Variants in SORCS1 observed in about 807,000 individuals in gnomAD.
SORCS1 encodes the protein sortilin related VPS10 domain containing receptor 1.
A neutral mutation model predicts 146.1 loss-of-function variants in SORCS1; 60 were observed. The observed-to-expected ratio is 0.41, with a 90% CI of 0.33 to 0.51. SORCS1 has a LOEUF of 0.51. Ranked by LOEUF, SORCS1 falls within the 20% of genes least tolerant of loss-of-function variation. The pLI is 0.21. For synonymous variants in SORCS1, 637 were observed against 584.0 expected, an observed-to-expected ratio of 1.09 and a Z score of -1.31; for missense variants, 1,352 against 1,487.6, an observed-to-expected ratio of 0.91 and a Z score of 1.50.
Position 107,164,406 on chromosome 10 carries a change from G to C in SORCS1, c.121C>G (p.Pro41Ala). ...VCGGGSCCPS[P>A]HPSSAPRSAS... ...GAGCGTGGAGCGGAGCTGGGGTGCGGCGAGGGGCAGCAGGAGCCGCCGCCG... is the reference window on the plus strand; with the variant it reads ...GAGCGTGGAGCGGAGCTGGGGTGCGCCGAGGGGCAGCAGGAGCCGCCGCCG... The change falls in exon 1 of 26, where the codon CCG becomes GCG. Residue 41 changes from proline (P) to alanine (A), a missense_variant. This residue lies in a region of SORCS1 where 490 missense variants were observed against 489.1 expected (regional missense o/e 1.00). Coordinates refer to ENST00000263054, the MANE Select transcript of SORCS1 (RefSeq NM_052918.5). The surrounding 1 kb of genome is among the most constrained non-coding windows in gnomAD (Gnocchi z 6.8). 7.0e-7 allele frequency: 1 copy of C among 1,424,234 alleles called. No individual in the cohort carries two copies. Among genetic ancestry groups the C allele is most frequent in the South Asian group, 1.5e-5 (1 of 65,306 alleles). 88.2% of individuals were successfully genotyped at this position (1,424,234 alleles called of 1,614,324 possible).
At position 106,724,412 on chromosome 10, in the gene SORCS1, C is replaced by T. The variant is rs202247638; in HGVS notation, c.1024+5638G>A. On this transcript the variant is annotated intron_variant, in intron 6 of 25. Transcript: ENST00000263054. ...ATCCCAGCTACTCAGGAGGCTGAGG[C>T]GAATCACTTGAACCCAGGAGGTGGA... Among the ~76,000 whole-genome samples, 6 of 151,300 alleles carry T rather than the reference C, an allele frequency of 4.0e-5. No homozygotes were observed. The South Asian group carries it at 6.2e-4, about 16-fold the overall frequency.
intron 1 of SORCS1, among the ~76,000 whole-genome samples, chr10:107,015,649 T>C (rs922920838): frequency 9.9e-5 from 15 of 152,204 alleles, no homozygotes; most frequent in Non-Finnish European, 1.5e-4. Context: ...ATGCAACACA[T>C]GGCCTCCTGG....
At position 106,976,333 on chromosome 10, in the gene SORCS1, G is replaced by GTTTTTTTTTGTTTTTTTTTTT. The variant is rs1554901319; in HGVS notation, c.559-19754_559-19753insAAAAAAAAAAACAAAAAAAAA. ...ATCAACTCATCATCTAGGTTTTTTTGTTTTTTTTTTTTTTTTGAGACGGAG... is the reference window on the plus strand; with the variant it reads ...ATCAACTCATCATCTAGGTTTTTTTGTTTTTTTTTGTTTTTTTTTTTTTTTTTTTTTTTTTTTGAGACGGAG... On this transcript the variant is annotated intron_variant, in intron 1 of 25. Transcript: ENST00000263054. 3.3e-4 allele frequency among the ~76,000 whole-genome samples: 37 copies of GTTTTTTTTTGTTTTTTTTTTT among 113,762 alleles called. 2 individuals carry two copies. The highest frequency in any genetic ancestry group is 9.4e-4 in the African/African-American group (24 of 25,494). The allele number at this position is 113,762 out of a possible 152,430, so 74.6% of individuals were successfully genotyped here.
intron 2 of SORCS1, among the ~76,000 whole-genome samples, chr10:106,907,091 G>C (rs1951941232): frequency 6.6e-6 from 1 of 152,170 alleles, no homozygotes; most frequent in Non-Finnish European, 1.5e-5. Flanking sequence ...CTTGCCAGTA[G>C]ATGCATATTT....
intron 3 of SORCS1, among the ~76,000 whole-genome samples, chr10:106,805,628 T>G (rs886839702): frequency 6.6e-6 from 1 of 152,184 alleles, no homozygotes; most frequent in Non-Finnish European, 1.5e-5. Context: ...TTGACTCACT[T>G]GCCATCTATA....
At chr10:107,039,745 G>C (rs1959077824) in intron 1 of SORCS1, among the ~76,000 whole-genome samples, 1 of 152,188 alleles carries the variant, frequency 6.6e-6, no homozygotes, top group African/African-American at 2.4e-5. Context: ...AATAGAACTA[G>C]ACATCTGACC....
intron 3 of SORCS1, among the ~76,000 whole-genome samples, chr10:106,819,943 G>A (rs892112663): frequency 1.3e-5 from 2 of 152,038 alleles, no homozygotes; most frequent in African/African-American, 4.8e-5. Context: ...TGTGCTCTTT[G>A]TATTAGCATT....
intron 12 of SORCS1, among the ~76,000 whole-genome samples, chr10:106,677,884 C>T (rs1394867242): frequency 1.3e-5 from 2 of 152,176 alleles, no homozygotes; most frequent in Non-Finnish European, 2.9e-5. Flanking sequence ...CATTACAGTG[C>T]CCTTTCCAGA....
intron 1 of SORCS1, among the ~76,000 whole-genome samples, chr10:107,105,590 T>C (rs1248377788): frequency 3.3e-5 from 5 of 152,228 alleles, no homozygotes; most frequent in Admixed American, 1.3e-4. Context: ...ACTTTGAGTC[T>C]GATGTTCGAG....
chr10:106,579,484 G>A lies in SORCS1; in HGVS notation c.3266-10C>T, dbSNP rs1253488511. The A allele has an allele frequency of 6.2e-7, 1 of 1,613,216 alleles. No homozygotes were observed. The highest frequency in any genetic ancestry group is 1.3e-5 in the African/African-American group (1 of 74,848). ...AGGTCCACCAGGGGGGCTTGTGGGG[G>A]AAACAGAGCAGAGAAAAATGAGCAG... is the stretch of plus-strand genomic sequence containing the variant. On this transcript the variant is annotated splice_polypyrimidine_tract_variant and intron_variant, in intron 24 of 25. Transcript: ENST00000263054.
intron 23 of SORCS1, among the ~76,000 whole-genome samples, chr10:106,606,763 G>A (rs1846622915): frequency 6.6e-6 from 1 of 152,124 alleles, no homozygotes; most frequent in Non-Finnish European, 1.5e-5. Context: ...GAATCATGGG[G>A]GCAGTTACCT....
intron 1 of SORCS1, among the ~76,000 whole-genome samples, chr10:107,157,022 G>A (rs1035449641): frequency 1.3e-5 from 2 of 152,200 alleles, no homozygotes; most frequent in African/African-American, 4.8e-5. Flanking sequence ...GAGGCTCCTT[G>A]TTTTGAAGCC....
At chr10:106,676,109 C>T (rs1385391896) in intron 13 of SORCS1, among the ~76,000 whole-genome samples, 1 of 152,112 alleles carries the variant, frequency 6.6e-6, no homozygotes, top group African/African-American at 2.4e-5. Flanking sequence ...AATGCCCTTG[C>T]CCAAGCTTAG....
intron 5 of SORCS1, among the ~76,000 whole-genome samples, chr10:106,741,209 T>C (rs1320439572): frequency 6.6e-6 from 1 of 152,208 alleles, no homozygotes; most frequent in Non-Finnish European, 1.5e-5. Context: ...CCTTAACTCA[T>C]GTCAATAATT....
chr10:107,007,739 G>A (rs1957516145), intron 1 of SORCS1, among the ~76,000 whole-genome samples: 1 of 152,222 alleles, frequency 6.6e-6, no homozygotes, highest in East Asian at 1.9e-4. Context: ...CTTCACACAT[G>A]AGCCTTCTAG....
At chr10:106,838,444 C>A (rs1948879070) in intron 2 of SORCS1, among the ~76,000 whole-genome samples, 1 of 152,112 alleles carries the variant, frequency 6.6e-6, no homozygotes. Flanking sequence ...ATAATGATTA[C>A]CCAAAGTCCA....
At position 106,671,293 on chromosome 10, in the gene SORCS1, T is replaced by G; in HGVS notation, c.2133A>C (p.Lys711Asn). The change falls in exon 16 of 26, where the codon AAA becomes AAC. Residue 711 changes from lysine (K) to asparagine (N), a missense_variant. Transcript: ENST00000263054. ...RKSERKCMQG[K>N]YAGAMESEPC... The stretch of plus-strand genomic sequence containing the variant: ...GTTCAGATTCCATAGCTCCTGCATA[T>G]TTTCCTTGCATACACTTCCGCTCTG... The G allele has an allele frequency of 6.2e-7, 1 of 1,614,170 alleles. No individual in the cohort carries two copies. The highest frequency in any genetic ancestry group is 8.5e-7 in the Non-Finnish European group (1 of 1,180,008).
In SORCS1 at chr10:106,576,017, C is replaced by A. The variant is rs1258473369; in HGVS notation, c.*1403G>T. ...AGATTTTCGTTAAGGTGTGAGAACACCACAATTCATCTCTATGCTTTCTTT... is the reference window on the plus strand; with the variant it reads ...AGATTTTCGTTAAGGTGTGAGAACAACACAATTCATCTCTATGCTTTCTTT... On this transcript the variant is annotated 3_prime_UTR_variant, in exon 26 of 26. Coordinates refer to ENST00000263054, the MANE Select transcript of SORCS1 (RefSeq NM_052918.5). 6.6e-6 allele frequency: 1 copy of A among 152,428 alleles called. No individual in the cohort carries two copies. Among genetic ancestry groups the A allele is most frequent in the Non-Finnish European group, 1.5e-5 (1 of 68,048 alleles). The allele number at this position is 152,428 out of a possible 1,614,324, so 9.4% of individuals were successfully genotyped here. A position where few individuals can be genotyped will look rare whatever the true frequency, so the allele number is the denominator to read the frequency against.
In SORCS1 at chr10:106,826,964, T is replaced by C. The variant is rs75884574; in HGVS notation, c.726+2610A>G. ...GGCTAAATGCCCTTTTAAACGTCCT[T>C]CAGATAACTATGGACTAATTATGCA... is the stretch of plus-strand genomic sequence containing the variant. On this transcript the variant is annotated intron_variant, in intron 3 of 25. Coordinates refer to ENST00000263054, the MANE Select transcript of SORCS1 (RefSeq NM_052918.5). 6.7e-3 allele frequency among the ~76,000 whole-genome samples: 1,016 copies of C among 152,282 alleles called. 9 individuals are homozygous for C. The highest frequency in any genetic ancestry group is 0.023 in the African/African-American group (968 of 41,558).
Sources: allele counts gnomAD v4.1 joint callset (sites outside exome capture counted in the v4.1 genomes callset), GRCh38; gene constraint gnomAD v4.1.1; regional missense constraint gnomAD v4.1.1; non-coding constraint Gnocchi (gnomAD v3.1); transcripts MANE v1.5; gene names NCBI Gene and HGNC (gene_info 2026-07-23, HGNC 2026-07-21).